LPCAT1: variants seen among roughly 807,000 people sequenced by gnomAD.
The protein encoded by LPCAT1 is 1-acylglycerol-3-phosphate O-acyltransferase.
Under a neutral mutation model 60.9 loss-of-function variants are expected in LPCAT1, and 23 were observed. That is an observed-to-expected ratio of 0.38 (90% CI 0.27 to 0.53). LPCAT1 has a LOEUF of 0.53. LPCAT1 is among the 20% of genes least tolerant of loss of function. The pLI, the probability that LPCAT1 is intolerant of heterozygous loss-of-function variation, is 0.82. For synonymous variants in LPCAT1, 340 were observed against 301.1 expected (o/e 1.13, Z -1.34); for missense variants, 622 against 723.6 (o/e 0.86, Z 1.61).
In LPCAT1 at chr5:1,463,710, C is replaced by T. The variant is rs529710476; in HGVS notation, c.1546G>A (p.Asp516Asn). Residue 516 changes from aspartate (D) to asparagine (N), a missense_variant, in exon 14 of 14, where the codon GAT (aspartate) becomes AAT (asparagine). Physicochemically the swap from Asp to Asn is conservative, Grantham distance 23 (BLOSUM62 1). Transcript: ENST00000283415. ...PAPIPNGFCA[D>N]FSPENSDAGR... Reference sequence around the variant, plus strand: ...GCGTCTGAGTTTTCCGGGCTGAAATCGGCACAGAAGCCGTTTGGGATTGGC... The same window carrying T: ...GCGTCTGAGTTTTCCGGGCTGAAATTGGCACAGAAGCCGTTTGGGATTGGC... 3 of 1,614,240 alleles carry T rather than the reference C, an allele frequency of 1.9e-6. No homozygotes were observed. The highest frequency in any genetic ancestry group is 2.2e-5 in the South Asian group (2 of 91,084).
At chr5:1,486,326 G>C (rs1433185645) in intron 5 of LPCAT1, among the ~76,000 whole-genome samples, 1 of 152,162 alleles carries the variant, frequency 6.6e-6, no homozygotes, top group Non-Finnish European at 1.5e-5. Context: ...CAGGTGGACA[G>C]TGCAGCACAG....
intron 3 of LPCAT1, among the ~76,000 whole-genome samples, chr5:1,491,909 A>T (rs1021480437): frequency 7.2e-5 from 11 of 152,372 alleles, no homozygotes; most frequent in Admixed American, 7.2e-4. Context: ...TCTTCAACAA[A>T]GTTGTGAGCT....
At position 1,480,444 on chromosome 5, in the gene LPCAT1, G is replaced by A. The variant is rs1735092186; in HGVS notation, c.761+498C>T. The A allele has an allele frequency of 1.1e-6, 1 of 890,602 alleles. No homozygotes were observed. The highest frequency in any genetic ancestry group is 1.2e-4 in the East Asian group (1 of 8,398). 55.2% of individuals were successfully genotyped at this position (890,602 alleles called of 1,614,324 possible). A position where few individuals can be genotyped will look rare whatever the true frequency, so the allele number is the denominator to read the frequency against. ...CCCAGGAGGCCCTGACCAGCCTGTG[G>A]CCCCGGGCTTCTCCTCTGGGGCTCG... On this transcript the variant is annotated intron_variant, in intron 7 of 13. Coordinates refer to ENST00000283415, the MANE Select transcript of LPCAT1 (RefSeq NM_024830.5). The surrounding 1 kb of genome is among the most constrained non-coding windows in gnomAD (Gnocchi z 6.4).
chr5:1,499,204 G>C (rs898368861), intron 2 of LPCAT1, among the ~76,000 whole-genome samples: 2 of 152,232 alleles, frequency 1.3e-5, no homozygotes, highest in Non-Finnish European at 2.9e-5. Flanking sequence ...ATGGGGAAAC[G>C]GAAAATTGCC....
chr5:1,502,403 G>T lies in LPCAT1; in HGVS notation c.136-800C>A, dbSNP rs935611175. On this transcript the variant is annotated intron_variant, in intron 1 of 13. Transcript: ENST00000283415. This position sits in a 1 kb window ranked among gnomAD's most constrained non-coding sequence, Gnocchi z 5.5. Reference sequence around the variant, plus strand: ...TAGCTGGCCTGCAGTTTGCAAGGTTGGACCTCAGACCACAGAGAAGACGGC... The same window carrying T: ...TAGCTGGCCTGCAGTTTGCAAGGTTTGACCTCAGACCACAGAGAAGACGGC... Among the ~76,000 whole-genome samples the T allele has an allele frequency of 8.5e-5, 13 of 152,346 alleles. No individual in the cohort carries two copies. Among genetic ancestry groups the T allele is most frequent in the African/African-American group, 2.9e-4 (12 of 41,588 alleles).
chr5:1,472,418 A>G (rs988138458), intron 11 of LPCAT1, among the ~76,000 whole-genome samples: 1 of 151,744 alleles, frequency 6.6e-6, no homozygotes, highest in Non-Finnish European at 1.5e-5. Flanking sequence ...CTTGCAAGGC[A>G]TGGGGTACTG....
rs1390713034 is a variant in LPCAT1, at chr5:1,489,768, T to A, written c.584A>T (p.Gln195Leu). Residue 195 changes from glutamine to leucine, a missense_variant, in exon 4 of 14, where the codon CAG (glutamine) becomes CTG (leucine). Physicochemically the swap from Gln to Leu is moderately radical, Grantham distance 113. Around this residue, in one of 3 missense-constraint regions of LPCAT1, gnomAD observed 209 missense variants for 325.5 expected, o/e 0.64. Coordinates refer to ENST00000283415, the MANE Select transcript of LPCAT1 (RefSeq NM_024830.5). The part of the protein sequence containing the change: ...KTVEEIKRRA[Q>L]SNGKWPQIMI... ...TACCTGTGGCCACTTTCCGTTGGACTGCGCCCGTCTCTTGATTTCTTCTAC... is the reference window on the plus strand; with the variant it reads ...TACCTGTGGCCACTTTCCGTTGGACAGCGCCCGTCTCTTGATTTCTTCTAC... 2.5e-6 allele frequency: 4 copies of A among 1,613,656 alleles called. No individual in the cohort carries two copies. In the African/African-American group the frequency reaches 5.3e-5, roughly 22 times the overall value.
chr5:1,521,970 G>A lies in LPCAT1; in HGVS notation c.135+1740C>T, dbSNP rs760584030. ...TTTGGACAGAACACACCTCAACCGGGGGCTGCAACTATGACAGGGATGACG... is the reference window on the plus strand; with the variant it reads ...TTTGGACAGAACACACCTCAACCGGAGGCTGCAACTATGACAGGGATGACG... On this transcript the variant is annotated intron_variant, in intron 1 of 13. Transcript: ENST00000283415. This position sits in a 1 kb window ranked among gnomAD's most constrained non-coding sequence, Gnocchi z 4.3. Among the ~76,000 whole-genome samples the A allele has an allele frequency of 9.5e-4, 145 of 152,314 alleles. 2 individuals carry two copies. Among genetic ancestry groups the A allele is most frequent in the Non-Finnish European group, 3.1e-4 (21 of 68,034 alleles).
intron 1 of LPCAT1, among the ~76,000 whole-genome samples, chr5:1,514,143 CTGGA>C (rs1271323841): frequency 1.3e-5 from 2 of 152,212 alleles, no homozygotes; most frequent in Non-Finnish European, 2.9e-5. Context: ...TGGGGAGAGG[CTGGA>C]GATGCCAGGG....
rs115460620 is a variant in LPCAT1, at chr5:1,498,725, T to C, written c.278+2736A>G. ...TATGTGCACACGATACAGACATCCA[T>C]CCACACATATATACATGCACTCACA... On this transcript the variant is annotated intron_variant, in intron 2 of 13. Transcript: ENST00000283415. 8.9e-3 allele frequency among the ~76,000 whole-genome samples: 1,354 copies of C among 152,026 alleles called. 15 individuals carry two copies. Among genetic ancestry groups the C allele is most frequent in the Admixed American group, 0.01 (160 of 15,284 alleles).
intron 5 of LPCAT1, 68 bp downstream of exon 5, chr5:1,488,323 T>C (rs1735446203): frequency 2.9e-6 from 3 of 1,045,640 alleles, no homozygotes; most frequent in Non-Finnish European, 4.3e-6. Context: ...AGCACATTAT[T>C]AAAAAACATC....
rs746990171 is a variant in LPCAT1, at chr5:1,501,460, CTTCCT to C, written c.274_278del (p.Arg92GlyfsTer148). On this transcript the variant is annotated frameshift_variant and splice_region_variant, in exon 2 of 14. Coordinates refer to ENST00000283415, the MANE Select transcript of LPCAT1 (RefSeq NM_024830.5). LOFTEE classifies it high-confidence loss of function. Reference sequence around the variant, plus strand: ...GAGAGCACGGCACACGCGCAACTTACTTCCTCCACAGGGCCGGGGGCTGCTCGGGT... The same window carrying C: ...GAGAGCACGGCACACGCGCAACTTACCCACAGGGCCGGGGGCTGCTCGGGT... 1.9e-6 allele frequency: 3 copies of C among 1,610,154 alleles called. No homozygotes were observed. The highest frequency in any genetic ancestry group is 2.5e-6 in the Non-Finnish European group (3 of 1,178,530).
Position 1,496,996 on chromosome 5 carries a change from G to A in LPCAT1, c.279-2082C>T, listed in dbSNP as rs1267701311. Among the ~76,000 whole-genome samples the A allele has an allele frequency of 2.6e-5, 4 of 152,148 alleles. No individual in the cohort carries two copies. The highest frequency in any genetic ancestry group is 6.5e-5 in the Admixed American group (1 of 15,286). ...CCCAGGAAATCCACTCCGTCCTACC[G>A]CCCTCACACGGACGACACCCAAGAA... On this transcript the variant is annotated intron_variant, in intron 2 of 13. Coordinates refer to ENST00000283415, the MANE Select transcript of LPCAT1 (RefSeq NM_024830.5). This position sits in a 1 kb window ranked among gnomAD's most constrained non-coding sequence, Gnocchi z 4.7.
In LPCAT1 at chr5:1,488,428, A is replaced by G. The variant is rs2126545892; in HGVS notation, c.630T>C (p.Thr210=). The G allele has an allele frequency of 6.2e-7, 1 of 1,602,512 alleles. No homozygotes were observed. Among genetic ancestry groups the G allele is most frequent in the South Asian group, 1.1e-5 (1 of 88,440 alleles). Residue 210 remains threonine (T), a synonymous_variant, in exon 5 of 14, where the codon ACT becomes ACC. Coordinates refer to ENST00000283415, the MANE Select transcript of LPCAT1 (RefSeq NM_024830.5). ...TAATTAGGCAGGTCCTGTTTGTACA[A>G]GTTCCTTCTGGAAAAATCATTATCT... is the stretch of plus-strand genomic sequence containing the variant. ...WPQIMIFPEG[T]CTNRTCLITF...
In LPCAT1 at chr5:1,523,696, C is replaced by A; in HGVS notation, c.135+14G>T. ...CCGCGCCGGCTCCCGGGGCCGCGCG[C>A]CCTGGGCACCCACCTGGGCCTTCTG... is the stretch of plus-strand genomic sequence containing the variant. On this transcript the variant is annotated intron_variant, in intron 1 of 13. Transcript: ENST00000283415. The surrounding 1 kb of genome is among the most constrained non-coding windows in gnomAD (Gnocchi z 7.1). The A allele has an allele frequency of 9.1e-7, 1 of 1,102,324 alleles. No individual in the cohort carries two copies. The allele number at this position is 1,102,324 out of a possible 1,614,324, so 68.3% of individuals were successfully genotyped here.
intron 1 of LPCAT1, among the ~76,000 whole-genome samples, chr5:1,515,360 A>T (rs1430759989): frequency 1.3e-5 from 2 of 151,778 alleles, no homozygotes; most frequent in Non-Finnish European, 2.9e-5. Flanking sequence ...GCCCCCCAGC[A>T]CATCCTGGCC....
chr5:1,469,706 G>A (rs1037456849), intron 12 of LPCAT1, among the ~76,000 whole-genome samples: 5 of 152,208 alleles, frequency 3.3e-5, no homozygotes, highest in African/African-American at 1.2e-4. Flanking sequence ...GAACCTGGGA[G>A]GCAGAGGTTG....
At chr5:1,516,094 G>T (rs898823068) in intron 1 of LPCAT1, among the ~76,000 whole-genome samples, 2 of 152,250 alleles carry the variant, frequency 1.3e-5, no homozygotes, top group African/African-American at 4.8e-5. Flanking sequence ...GCTGCTGGGG[G>T]CTGGAGGCCA....
chr5:1,469,023 G>A (rs1734559880), intron 12 of LPCAT1, among the ~76,000 whole-genome samples: 1 of 152,262 alleles, frequency 6.6e-6, no homozygotes, highest in Admixed American at 6.5e-5. Flanking sequence ...TGCAGAAAGG[G>A]ACATGGGGAA....
Sources: gnomAD v4.1 joint callset for allele counts (sites outside exome capture counted in the v4.1 genomes callset) on GRCh38, gnomAD v4.1.1 for gene constraint, gnomAD v4.1.1 regional missense constraint, Gnocchi (gnomAD v3.1) non-coding constraint, MANE v1.5 for transcripts, NCBI Gene and HGNC (gene_info 2026-07-23, HGNC 2026-07-21) for gene names.